The following HPSE2 variants were observed in gnomAD, a reference collection of about 807,000 sequenced individuals.
HPSE2 encodes inactive heparanase-2.
In HPSE2, 38 loss-of-function variants were observed where a neutral mutation model predicts 60.5. The observed-to-expected ratio is 0.63, with a 90% CI of 0.48 to 0.82. HPSE2 has a LOEUF of 0.82. Ranked by LOEUF, HPSE2 falls within the 40% of genes least tolerant of loss-of-function variation. HPSE2 has a pLI of 0.00. For missense variants in HPSE2, 713 were observed against 740.4 expected, an observed-to-expected ratio of 0.96 and a Z score of 0.43; for synonymous variants, 295 against 293.2, an observed-to-expected ratio of 1.01 and a Z score of -0.06.
At chr10:98,957,389 C>T (rs562430586) in intron 3 of HPSE2, among the ~76,000 whole-genome samples, 1 of 152,268 alleles carries the variant, frequency 6.6e-6, no homozygotes, top group South Asian at 2.1e-4. Context: ...TCAGGGGTAG[C>T]TTTGCATAGA....
intron 9 of HPSE2, among the ~76,000 whole-genome samples, chr10:98,556,555 T>G (rs1944014061): frequency 6.6e-6 from 1 of 152,188 alleles, no homozygotes; most frequent in African/African-American, 2.4e-5. Flanking sequence ...AATAAAACTT[T>G]AAGAAAGATA....
chr10:98,537,628 T>A (rs1023536779), intron 9 of HPSE2, among the ~76,000 whole-genome samples: 6 of 152,192 alleles, frequency 3.9e-5, no homozygotes, highest in Non-Finnish European at 8.8e-5. Flanking sequence ...GAGCCTTCTG[T>A]CACGCCCGCA....
chr10:99,061,702 C>A (rs2135524891), intron 3 of HPSE2, among the ~76,000 whole-genome samples: 1 of 152,336 alleles, frequency 6.6e-6, no homozygotes, highest in East Asian at 1.9e-4. Context: ...GGAGCACAGA[C>A]TATGGAGCCC....
Position 99,103,666 on chromosome 10 carries a change from G to A in HPSE2, c.610+40572C>T, listed in dbSNP as rs540769566. On this transcript the variant is annotated intron_variant, in intron 3 of 11. Transcript: ENST00000370552. Reference sequence around the variant, plus strand: ...TTCATATGGAACCAAAAGAGAGCCCGCATTGCCAAGACAATCCTAAGCCAA... The same window carrying A: ...TTCATATGGAACCAAAAGAGAGCCCACATTGCCAAGACAATCCTAAGCCAA... Among the ~76,000 whole-genome samples the A allele has an allele frequency of 3.7e-4, 56 of 152,202 alleles. 1 individual carries two copies. In the East Asian group the frequency reaches 6.0e-3, roughly 16 times the overall value.
chr10:99,282,026 G>A, the HPSE2 span, among the ~76,000 whole-genome samples: 9 of 152,152 alleles, frequency 5.9e-5, no homozygotes, highest in East Asian at 1.4e-3. Flanking sequence ...TTGGGAGGCC[G>A]AGGTAGGCAG....
At chr10:98,850,116 G>A (rs1952133752) in intron 3 of HPSE2, among the ~76,000 whole-genome samples, 1 of 151,990 alleles carries the variant, frequency 6.6e-6, no homozygotes, top group African/African-American at 2.4e-5. Flanking sequence ...TTATGAAAAA[G>A]GTAAATTCAA....
At chr10:99,012,993 T>C (rs1377438373) in intron 3 of HPSE2, 1 of 303,570 alleles carries the variant, frequency 3.3e-6, no homozygotes, top group African/African-American at 2.2e-5. Flanking sequence ...ATAGAAAAAG[T>C]TTAAATCAGT....
At chr10:98,926,113 T>C (rs1954453461) in intron 3 of HPSE2, among the ~76,000 whole-genome samples, 1 of 152,170 alleles carries the variant, frequency 6.6e-6, no homozygotes, top group African/African-American at 2.4e-5. Flanking sequence ...CATTCTTTAT[T>C]ATCTATATCC....
chr10:99,252,995 T>G, the HPSE2 span, among the ~76,000 whole-genome samples: 6 of 150,222 alleles, frequency 4.0e-5, no homozygotes, highest in African/African-American at 1.5e-4. Flanking sequence ...CACAAACAAA[T>G]AGAAAAACAT....
chr10:99,235,383 A>G (rs1341125082), intron 1 of HPSE2, 130 bp downstream of exon 1: 4 of 864,464 alleles, frequency 4.6e-6, no homozygotes, highest in Non-Finnish European at 7.6e-6. Context: ...GAGAAGGAAA[A>G]CCTCTTTTCT....
chr10:99,231,575 G>A (rs570702336), intron 2 of HPSE2, among the ~76,000 whole-genome samples: 9 of 152,076 alleles, frequency 5.9e-5, no homozygotes, highest in East Asian at 1.9e-4. Flanking sequence ...AAATGAGACC[G>A]TTCAAACCAA....
chr10:98,779,350 C>T (rs528711707), intron 3 of HPSE2, among the ~76,000 whole-genome samples: 34 of 152,274 alleles, frequency 2.2e-4, no homozygotes, highest in African/African-American at 7.9e-4. Flanking sequence ...CTGAAATGGA[C>T]ACTTGGGTGG....
intron 3 of HPSE2, among the ~76,000 whole-genome samples, chr10:98,875,733 A>G (rs893235247): frequency 6.6e-6 from 1 of 152,058 alleles, no homozygotes; most frequent in Admixed American, 6.6e-5. Context: ...AAAAAATGAA[A>G]ACTTCAGGAA....
rs894991314 is a variant in HPSE2, at chr10:98,932,931, C to T, written c.611-188875G>A. On this transcript the variant is annotated intron_variant, in intron 3 of 11. Transcript: ENST00000370552. Reference sequence around the variant, plus strand: ...ATTGATTTTTTCAAAAACACAGCTCCTGGATTTGTTGATTTTTCGAAGTGT... The same window carrying T: ...ATTGATTTTTTCAAAAACACAGCTCTTGGATTTGTTGATTTTTCGAAGTGT... Among the ~76,000 whole-genome samples, 6 of 143,398 alleles carry T rather than the reference C, an allele frequency of 4.2e-5. 1 individual carries two copies. The highest frequency in any genetic ancestry group is 1.7e-4 in the African/African-American group (6 of 35,152). 94.1% of individuals were successfully genotyped at this position (143,398 alleles called of 152,430 possible). A position where few individuals can be genotyped will look rare whatever the true frequency, so the allele number is the denominator to read the frequency against.
At chr10:98,668,557 A>T (rs1020310749) in intron 6 of HPSE2, among the ~76,000 whole-genome samples, 4 of 152,192 alleles carry the variant, frequency 2.6e-5, no homozygotes, top group Admixed American at 1.3e-4. Flanking sequence ...ACAAAAACAG[A>T]CTTATAGACC....
chr10:98,781,167 T>G (rs1950456858), intron 3 of HPSE2, among the ~76,000 whole-genome samples: 1 of 152,058 alleles, frequency 6.6e-6, no homozygotes, highest in Admixed American at 6.6e-5. Context: ...CACTAACATC[T>G]AGATTTAGTG....
intron 3 of HPSE2, among the ~76,000 whole-genome samples, chr10:99,091,584 AAAC>A (rs1265483943): frequency 1.3e-5 from 2 of 152,184 alleles, no homozygotes; most frequent in Non-Finnish European, 1.5e-5. Context: ...AAGATAACAA[AAAC>A]AACAACAAAA....
intron 3 of HPSE2, among the ~76,000 whole-genome samples, chr10:99,017,140 T>C (rs1957161199): frequency 1.3e-5 from 2 of 152,206 alleles, no homozygotes; most frequent in African/African-American, 2.4e-5. Flanking sequence ...ATTTTGCCCA[T>C]TCAGTATGAT....
chr10:99,097,136 T>C (rs1843746133), intron 3 of HPSE2, among the ~76,000 whole-genome samples: 1 of 152,036 alleles, frequency 6.6e-6, no homozygotes, highest in Admixed American at 6.5e-5. Context: ...AAGGCCAGGG[T>C]CTAAGTCTCA....
Sources: gnomAD v4.1 joint callset for allele counts (sites outside exome capture counted in the v4.1 genomes callset) on GRCh38, gnomAD v4.1.1 for gene constraint, MANE v1.5 for transcripts, NCBI Gene and HGNC (gene_info 2026-07-23, HGNC 2026-07-21) for gene names.